The following USP43 variants were observed in gnomAD, a reference collection of about 807,000 sequenced individuals.
The protein encoded by USP43 is ubiquitin carboxyl-terminal hydrolase 43.
Under a neutral mutation model 90.7 loss-of-function variants are expected in USP43, and 33 were observed. The observed-to-expected ratio is 0.36, with a 90% CI of 0.28 to 0.49. USP43 has a LOEUF of 0.49. USP43 is among the 20% of genes least tolerant of loss of function. The pLI is 0.98. For synonymous variants in USP43, 598 were observed against 615.8 expected (o/e 0.97, Z 0.43); for missense variants, 1,274 against 1,476.4 (o/e 0.86, Z 2.25).
In USP43 at chr17:9,686,989, G is replaced by A; in HGVS notation, c.1353+80G>A. 7.5e-7 allele frequency: 1 copy of A among 1,336,228 alleles called. No homozygotes were observed. 82.8% of individuals were successfully genotyped at this position (1,336,228 alleles called of 1,614,324 possible). On this transcript the variant is annotated intron_variant, in intron 8 of 14. Transcript: ENST00000285199. The surrounding 1 kb of genome is among the most constrained non-coding windows in gnomAD (Gnocchi z 5.5). ...TGTGTGTGGGTGTGTGTATTGGGAGGGGTGGAATTTAGTGTAGCCCAGGAG... is the reference window on the plus strand; with the variant it reads ...TGTGTGTGGGTGTGTGTATTGGGAGAGGTGGAATTTAGTGTAGCCCAGGAG...
chr17:9,687,773 T>C (rs1382353595), intron 8 of USP43, among the ~76,000 whole-genome samples: 1 of 152,234 alleles, frequency 6.6e-6, no homozygotes, highest in Non-Finnish European at 1.5e-5. Context: ...ATTTAGGATT[T>C]ATACCAAATA....
chr17:9,705,197 T>C (rs1175588042), intron 12 of USP43, among the ~76,000 whole-genome samples: 1 of 152,068 alleles, frequency 6.6e-6, no homozygotes, highest in Admixed American at 6.6e-5. Context: ...ATTGTGAGTA[T>C]ATTTTTCTAT....
chr17:9,727,337 C>T (rs1917324825), intron 14 of USP43, among the ~76,000 whole-genome samples: 1 of 152,166 alleles, frequency 6.6e-6, no homozygotes, highest in South Asian at 2.1e-4. Context: ...CCATCACAAA[C>T]AGCACTGCCA....
intron 8 of USP43, among the ~76,000 whole-genome samples, chr17:9,691,792 T>C (rs1056994923): frequency 2.6e-5 from 4 of 152,168 alleles, no homozygotes; most frequent in Admixed American, 2.6e-4. Flanking sequence ...CTCATGCCTG[T>C]AATCCCAGCA....
At chr17:9,694,109 G>A (rs571165575) in intron 9 of USP43, among the ~76,000 whole-genome samples, 17 of 152,264 alleles carry the variant, frequency 1.1e-4, no homozygotes, top group African/African-American at 3.9e-4. Flanking sequence ...CTCTATAAAC[G>A]AACTGTCTGG....
At chr17:9,700,448 G>A (rs1471226471) in intron 10 of USP43, among the ~76,000 whole-genome samples, 199 bp downstream of exon 10, 1 of 152,222 alleles carries the variant, frequency 6.6e-6, no homozygotes, top group Non-Finnish European at 1.5e-5. Context: ...GGAATGGAGT[G>A]ATGGTGGTGG....
intron 9 of USP43, among the ~76,000 whole-genome samples, chr17:9,696,873 G>A (rs1192080646): frequency 6.6e-6 from 1 of 152,220 alleles, no homozygotes; most frequent in Non-Finnish European, 1.5e-5. Flanking sequence ...CCCTCCACCT[G>A]TGTGTCCCTT....
At chr17:9,700,309 T>C in intron 10 of USP43, 60 bp downstream of exon 10, 1 of 1,500,198 alleles carries the variant, frequency 6.7e-7, no homozygotes, top group East Asian at 2.5e-5. Context: ...GTGCCCAGGT[T>C]TCCCTGGACG....
chr17:9,717,944 G>A (rs904555655), intron 14 of USP43, among the ~76,000 whole-genome samples: 12 of 151,698 alleles, frequency 7.9e-5, no homozygotes, highest in African/African-American at 1.2e-4. Flanking sequence ...CTACAGGCAC[G>A]CACCACCACA....
At chr17:9,704,934 C>T (rs545356690) in intron 12 of USP43, among the ~76,000 whole-genome samples, 28 of 152,278 alleles carry the variant, frequency 1.8e-4, no homozygotes, top group African/African-American at 6.7e-4. Flanking sequence ...GATAATTCTA[C>T]CACATTTCAG....
At chr17:9,645,405 G>T, upstream of USP43, 1 of 285,030 alleles carries the variant, frequency 3.5e-6, no homozygotes, top group Non-Finnish European at 6.3e-6. The surrounding 1 kb of genome is among the most constrained non-coding windows in gnomAD (Gnocchi z 6.8). Flanking sequence ...GGCGGCACCA[G>T]GCAGGGGTAG....
chr17:9,665,590 A>T (rs1156858422), intron 2 of USP43, among the ~76,000 whole-genome samples: 1 of 152,068 alleles, frequency 6.6e-6, no homozygotes, highest in Admixed American at 6.5e-5. Context: ...ACATGTGGGG[A>T]TTGTGGGGAT....
At position 9,645,929 on chromosome 17, in the gene USP43, C is replaced by A. The variant is rs781387050; in HGVS notation, c.297C>A (p.Gly99=). 12 of 1,475,988 alleles carry A rather than the reference C, an allele frequency of 8.1e-6. No homozygotes were observed. In the South Asian group the frequency reaches 1.5e-4, roughly 18 times the overall value. 91.4% of individuals were successfully genotyped at this position (1,475,988 alleles called of 1,614,324 possible). A position where few individuals can be genotyped will look rare whatever the true frequency, so the allele number is the denominator to read the frequency against. ...LPAGDGARPP[G]AQGLKNHGNT... is the part of the protein sequence containing the mutation. The stretch of plus-strand genomic sequence containing the variant: ...CCGGCGATGGGGCGCGGCCGCCGGG[C>A]GCTCAGGGCTTGAAGAACCACGGCA... Residue 99 remains glycine (G), a synonymous_variant, in exon 1 of 15, where the codon GGC becomes GGA. Transcript: ENST00000285199. This position sits in a 1 kb window ranked among gnomAD's most constrained non-coding sequence, Gnocchi z 6.8.
At chr17:9,712,838 T>C (rs1339292862) in intron 14 of USP43, among the ~76,000 whole-genome samples, 1 of 152,204 alleles carries the variant, frequency 6.6e-6, no homozygotes, top group African/African-American at 2.4e-5. Context: ...TTAATCATTG[T>C]TTTTAAAAAA....
At chr17:9,656,330 T>C in intron 1 of USP43, 73 bp from the exon 2 acceptor site, 3 of 1,544,256 alleles carry the variant, frequency 1.9e-6, no homozygotes, top group East Asian at 4.6e-5. Flanking sequence ...TTGGTAGACC[T>C]GGTGCTCACA....
At chr17:9,697,666 CTTTT>C (rs56661274) in intron 9 of USP43, among the ~76,000 whole-genome samples, 1 of 136,740 alleles carries the variant, frequency 7.3e-6, no homozygotes, top group Non-Finnish European at 1.6e-5. Context: ...AACAGGAATT[CTTTT>C]TTTTTTTTTT....
In USP43 at chr17:9,696,046, C is replaced by A. The variant is rs184614091; in HGVS notation, c.1457+2816C>A. Among the ~76,000 whole-genome samples the A allele has an allele frequency of 3.3e-3, 509 of 152,112 alleles. 2 individuals carry two copies. The highest frequency in any genetic ancestry group is 5.5e-3 in the Non-Finnish European group (372 of 67,984). On this transcript the variant is annotated intron_variant, in intron 9 of 14. Transcript: ENST00000285199. ...TTTTTTTTGTCTGCTTGAAATCTTCCTCTCCCTCTCTGGGATGCTCAAATA... is the reference window on the plus strand; with the variant it reads ...TTTTTTTTGTCTGCTTGAAATCTTCATCTCCCTCTCTGGGATGCTCAAATA...
chr17:9,674,772 G>T lies in USP43; in HGVS notation c.741-119G>T. 1.2e-6 allele frequency: 1 copy of T among 810,988 alleles called. No homozygotes were observed. The highest frequency in any genetic ancestry group is 2.1e-6 in the Non-Finnish European group (1 of 469,322). 50.2% of individuals were successfully genotyped at this position (810,988 alleles called of 1,614,324 possible). ...GAACACCTGTTCTCAATTCTTCTGG[G>T]TATGTACCTACGAGTGGAATCACAG... On this transcript the variant is annotated intron_variant, in intron 3 of 14. Transcript: ENST00000285199. The surrounding 1 kb of genome is among the most constrained non-coding windows in gnomAD (Gnocchi z 4.4).
At chr17:9,716,043 T>A (rs34844988) in intron 14 of USP43, among the ~76,000 whole-genome samples, 47,546 of 151,302 alleles carry the variant, frequency 0.31, 8,801 homozygotes, top group African/African-American at 0.53. Context: ...GAGAATGTGT[T>A]TGTGTGTATG....
Sources: gnomAD v4.1 joint callset for allele counts (sites outside exome capture counted in the v4.1 genomes callset) on GRCh38, gnomAD v4.1.1 for gene constraint, Gnocchi (gnomAD v3.1) non-coding constraint, MANE v1.5 for transcripts, NCBI Gene and HGNC (gene_info 2026-07-23, HGNC 2026-07-21) for gene names.